Variants in BBX observed in about 807,000 individuals in gnomAD.
BBX encodes the protein BBX high mobility group box domain containing.
BBX carries 30 observed loss-of-function variants against 100.2 expected under a neutral mutation model. The observed-to-expected ratio is 0.30, with a 90% confidence interval of 0.22 to 0.41. The LOEUF is 0.41. Among genes scored for constraint, BBX ranks in the 10% least tolerant of loss-of-function variants. The probability of loss-of-function intolerance (pLI) is 1.00; values close to 1 mark genes in which losing one functional copy is unlikely to be tolerated. For missense variants in BBX, 1,023 were observed against 1,129.8 expected (o/e 0.91, Z 1.35); for synonymous variants, 376 against 388.1 (o/e 0.97, Z 0.37).
intron 12 of BBX, 52 bp from the exon 13 acceptor site, chr3:107,778,319 C>T: frequency 1.3e-6 from 2 of 1,579,922 alleles, no homozygotes; most frequent in Non-Finnish European, 1.7e-6. Flanking sequence ...ATGTCACTTT[C>T]TGTGTCATAT....
At chr3:107,567,969 A>G (rs1352508283) in intron 2 of BBX, among the ~76,000 whole-genome samples, 1 of 151,530 alleles carries the variant, frequency 6.6e-6, no homozygotes, top group Non-Finnish European at 1.5e-5. Flanking sequence ...GAACTTGAGT[A>G]TTCTCTTATT....
At chr3:107,723,098 G>A (rs2062657019) in intron 5 of BBX, among the ~76,000 whole-genome samples, 1 of 151,946 alleles carries the variant, frequency 6.6e-6, no homozygotes, top group Non-Finnish European at 1.5e-5. Context: ...TTTGGTAGAT[G>A]ATACTTCATA....
At chr3:107,737,715 A>G (rs1208042221) in intron 7 of BBX, among the ~76,000 whole-genome samples, 1 of 152,142 alleles carries the variant, frequency 6.6e-6, no homozygotes, top group Non-Finnish European at 1.5e-5. Context: ...AATTCTTCAC[A>G]TGATACTTCT....
chr3:107,730,749 G>T (rs1384518710), intron 6 of BBX, among the ~76,000 whole-genome samples: 1 of 152,138 alleles, frequency 6.6e-6, no homozygotes, highest in Non-Finnish European at 1.5e-5. Context: ...ATTATGTAAT[G>T]GCTTGGGTTA....
intron 2 of BBX, among the ~76,000 whole-genome samples, chr3:107,565,949 G>A (rs955075762): frequency 1.3e-5 from 2 of 151,284 alleles, no homozygotes; most frequent in African/African-American, 4.9e-5. Context: ...TGAGACAGGC[G>A]GATCACCTGA....
At chr3:107,684,168 A>G (rs185548175) in intron 3 of BBX, among the ~76,000 whole-genome samples, 61 of 152,298 alleles carry the variant, frequency 4.0e-4, no homozygotes, top group Admixed American at 2.6e-3. Context: ...TTTAACAAAT[A>G]TTATAATGTG....
At chr3:107,764,018 A>G (rs1249741966) in intron 10 of BBX, among the ~76,000 whole-genome samples, 1 of 152,094 alleles carries the variant, frequency 6.6e-6, no homozygotes, top group Non-Finnish European at 1.5e-5. Flanking sequence ...TTTGAGATGG[A>G]GTCTTGCTCT....
rs544196440 is a variant in BBX at position 107,719,904 on chromosome 3, T to C, written c.405+3055T>C. Among the ~76,000 whole-genome samples, 289 of 152,134 alleles carry C rather than the reference T, an allele frequency of 1.9e-3. 1 individual carries two copies. Among genetic ancestry groups the C allele is most frequent in the African/African-American group, 6.7e-3 (280 of 41,544 alleles). ...CATTTAAACTAATTATCATAATGAA[T>C]TGAGGATAAATTGAGAGGATCACAC... On this transcript the variant is annotated intron_variant, in intron 5 of 17. Coordinates refer to ENST00000325805, the MANE Select transcript of BBX (RefSeq NM_001142568.3).
intron 15 of BBX, among the ~76,000 whole-genome samples, chr3:107,795,863 A>G (rs1553698813): frequency 2.6e-5 from 4 of 151,992 alleles, no homozygotes; most frequent in Admixed American, 6.6e-5. Context: ...GTTTTTACCA[A>G]TTCATCTGGA....
At chr3:107,799,937 T>G (rs759632005) in intron 16 of BBX, among the ~76,000 whole-genome samples, 2 of 152,224 alleles carry the variant, frequency 1.3e-5, no homozygotes, top group Admixed American at 6.5e-5. Context: ...CTGTTGCCTT[T>G]CTGCCTCTCA....
At chr3:107,738,489 A>G (rs1442068401) in intron 7 of BBX, among the ~76,000 whole-genome samples, 1 of 152,170 alleles carries the variant, frequency 6.6e-6, no homozygotes, top group Non-Finnish European at 1.5e-5. Context: ...CCTTGTAACA[A>G]TTTTGTGAGT....
At chr3:107,685,143 AG>A (rs1467099582) in intron 3 of BBX, among the ~76,000 whole-genome samples, 1 of 152,220 alleles carries the variant, frequency 6.6e-6, no homozygotes, top group African/African-American at 2.4e-5. Context: ...TTTAGGAGCC[AG>A]GGTGTTATAT....
At position 107,778,464 on chromosome 3, in the gene BBX, A is replaced by C. The variant is rs1324456795; in HGVS notation, c.2148A>C (p.Pro716=). The part of the protein sequence containing the change: ...VTFDRKCVPV[P]RKKKKTGNVS... ...TTGACCGGAAATGTGTACCTGTCCC[A>C]AGAAAAAAGAAGAAGACTGGAAATG... The change falls in exon 13 of 18, where the codon CCA becomes CCC. Residue 716 remains proline, a synonymous_variant. Transcript: ENST00000325805. 1 of 1,613,412 alleles carries C rather than the reference A, an allele frequency of 6.2e-7. No individual in the cohort carries two copies. Among genetic ancestry groups the C allele is most frequent in the East Asian group, 2.2e-5 (1 of 44,856 alleles).
intron 9 of BBX, 36 bp from the exon 10 acceptor site, chr3:107,755,562 A>C: frequency 6.3e-7 from 1 of 1,575,250 alleles, no homozygotes; most frequent in Non-Finnish European, 8.7e-7. Flanking sequence ...CTGGTATCAC[A>C]ACTAATATTC....
At position 107,710,533 on chromosome 3, in the gene BBX, T is replaced by A. The variant is rs2061651209; in HGVS notation, c.73T>A (p.Cys25Ser). ...GGTTGGAAAACGACCAAAACGAAAG[T>A]GTCTTCAGTGGCATCCATTGCTAGC... ...EGVGKRPKRK[C>S]LQWHPLLAKK... is the part of the protein sequence containing the mutation. Residue 25 changes from cysteine (C) to serine (S), a missense_variant, in exon 4 of 18, where the codon TGT becomes AGT. Around this residue, in one of 9 missense-constraint regions of BBX, gnomAD observed 229 missense variants for 226.3 expected, o/e 1.01. Transcript: ENST00000325805. 1 of 1,613,854 alleles carries A rather than the reference T, an allele frequency of 6.2e-7. No homozygotes were observed. The highest frequency in any genetic ancestry group is 8.5e-7 in the Non-Finnish European group (1 of 1,179,916).
At chr3:107,539,882 A>G (rs2048752399) in intron 2 of BBX, among the ~76,000 whole-genome samples, 1 of 152,176 alleles carries the variant, frequency 6.6e-6, no homozygotes, top group Non-Finnish European at 1.5e-5. Context: ...GGTAAGTTTC[A>G]TGAGACCTGG....
intron 2 of BBX, among the ~76,000 whole-genome samples, chr3:107,594,171 A>C (rs2053523170): frequency 6.6e-6 from 1 of 152,092 alleles, no homozygotes; most frequent in Non-Finnish European, 1.5e-5. Flanking sequence ...GCATCTGATA[A>C]ATTTTTTTAT....
At chr3:107,661,941 T>C (rs2058467285) in intron 3 of BBX, 6 of 970,742 alleles carry the variant, frequency 6.2e-6, no homozygotes, top group Non-Finnish European at 7.3e-6. Context: ...ATTGTTCCAC[T>C]GTAGTAAGTC....
rs970611234 is a variant in BBX, at chr3:107,541,734, C to G, written c.-84+15336C>G. On this transcript the variant is annotated intron_variant, in intron 2 of 17. Coordinates refer to ENST00000325805, the MANE Select transcript of BBX (RefSeq NM_001142568.3). ...GAGAATATGATTTGATATTCAGATA[C>G]CTGAGCTACTCCTATTTCTGTAACA... is the stretch of plus-strand genomic sequence containing the variant. Among the ~76,000 whole-genome samples, 3 of 151,918 alleles carry G rather than the reference C, an allele frequency of 2.0e-5. No individual in the cohort carries two copies. In the South Asian group the frequency reaches 6.2e-4, roughly 32 times the overall value.
Sources: allele counts gnomAD v4.1 joint callset (sites outside exome capture counted in the v4.1 genomes callset), GRCh38; gene constraint gnomAD v4.1.1; regional missense constraint gnomAD v4.1.1; transcripts MANE v1.5; gene names NCBI Gene and HGNC (gene_info 2026-07-23, HGNC 2026-07-21).